Variants in EEPD1 observed in about 807,000 individuals in gnomAD.
EEPD1 encodes the protein endonuclease/exonuclease/phosphatase family domain-containing protein 1.
EEPD1 carries 17 observed loss-of-function variants against 46.3 expected under a neutral mutation model. The ratio of observed to expected loss-of-function variants is 0.37; its 90% CI spans 0.25 to 0.55. EEPD1 has a LOEUF of 0.55. EEPD1 is among the 20% of genes least tolerant of loss of function. The probability of loss-of-function intolerance (pLI) is 0.83; values close to 1 mark genes in which losing one functional copy is unlikely to be tolerated. For synonymous variants in EEPD1, 313 were observed against 315.6 expected, an observed-to-expected ratio of 0.99 and a Z score of 0.09; for missense variants, 673 against 745.6, an observed-to-expected ratio of 0.90 and a Z score of 1.13.
At chr7:36,278,124 T>A (rs1472330532) in intron 3 of EEPD1, among the ~76,000 whole-genome samples, 2 of 152,234 alleles carry the variant, frequency 1.3e-5, no homozygotes, top group East Asian at 3.9e-4. Context: ...AGCCTGAGAA[T>A]TTGCATTTTG....
intron 2 of EEPD1, among the ~76,000 whole-genome samples, chr7:36,180,636 A>G (rs371752965): frequency 6.6e-6 from 1 of 152,218 alleles, no homozygotes; most frequent in Non-Finnish European, 1.5e-5. Context: ...TAGGTGACTG[A>G]GTATTTTAGG....
chr7:36,299,437 G>A lies in EEPD1; in HGVS notation c.*231G>A. On this transcript the variant is annotated 3_prime_UTR_variant, in exon 8 of 8. Coordinates refer to ENST00000242108, the MANE Select transcript of EEPD1 (RefSeq NM_030636.3). ...GCAAAGCAGAAACCTGCGGGGAGCG[G>A]AGACGCCTTTTATCTCTGGATGCCA... 1 of 585,856 alleles carries A rather than the reference G, an allele frequency of 1.7e-6. No homozygotes were observed. The highest frequency in any genetic ancestry group is 3.0e-5 in the Admixed American group (1 of 32,922). 36.3% of individuals were successfully genotyped at this position (585,856 alleles called of 1,614,324 possible). A position where few individuals can be genotyped will look rare whatever the true frequency, so the allele number is the denominator to read the frequency against.
chr7:36,262,138 C>T (rs1309746532), intron 3 of EEPD1, among the ~76,000 whole-genome samples: 1 of 152,216 alleles, frequency 6.6e-6, no homozygotes, highest in Non-Finnish European at 1.5e-5. Context: ...GCCCTAAGGC[C>T]TGCCCTACCT....
intron 3 of EEPD1, among the ~76,000 whole-genome samples, chr7:36,272,975 G>A (rs1787133814): frequency 6.6e-6 from 1 of 152,212 alleles, no homozygotes; most frequent in Non-Finnish European, 1.5e-5. Flanking sequence ...GGCCCCTCCT[G>A]GGAGGAAAGT....
At chr7:36,219,599 G>A (rs1214485902) in intron 2 of EEPD1, among the ~76,000 whole-genome samples, 1 of 148,542 alleles carries the variant, frequency 6.7e-6, no homozygotes, top group Non-Finnish European at 1.5e-5. Flanking sequence ...GAAGAAGAAG[G>A]AGGAAGAGGA....
At chr7:36,202,614 T>G (rs1434015556) in intron 2 of EEPD1, among the ~76,000 whole-genome samples, 1 of 152,184 alleles carries the variant, frequency 6.6e-6, no homozygotes, top group Non-Finnish European at 1.5e-5. Context: ...ATTCTCAGCT[T>G]GATTCAGGTA....
intron 2 of EEPD1, among the ~76,000 whole-genome samples, chr7:36,164,064 C>T (rs1784943622): frequency 6.6e-6 from 1 of 152,102 alleles, no homozygotes; most frequent in Non-Finnish European, 1.5e-5. Context: ...TGTCTACGAA[C>T]ATATGTATTT....
At chr7:36,293,825 G>A (rs1259711251) in intron 6 of EEPD1, among the ~76,000 whole-genome samples, 3 of 152,028 alleles carry the variant, frequency 2.0e-5, no homozygotes, top group African/African-American at 4.8e-5. Context: ...TTAGCCAGGC[G>A]CAGTGGCACA....
chr7:36,199,639 T>G (rs1271323366), intron 2 of EEPD1, among the ~76,000 whole-genome samples: 1 of 152,166 alleles, frequency 6.6e-6, no homozygotes, highest in Non-Finnish European at 1.5e-5. Flanking sequence ...TTCCCTCTTC[T>G]GACTGAGTGA....
intron 2 of EEPD1, among the ~76,000 whole-genome samples, chr7:36,229,957 GTACAGCCAGTTAC>G (rs568938517): frequency 0.38 from 56,898 of 151,312 alleles, 11,680 homozygotes; most frequent in Non-Finnish European, 0.46. Flanking sequence ...ACTTGCTGAG[GTACAGCCAGTTAC>G]CTCCTCAAAC....
intron 3 of EEPD1, 31 bp from the exon 4 acceptor site, chr7:36,281,084 C>A: frequency 2.5e-6 from 4 of 1,604,932 alleles, no homozygotes; most frequent in Non-Finnish European, 3.4e-6. Context: ...GGCGCGAACC[C>A]ACGCTTCTGA....
Position 36,299,468 on chromosome 7 carries a change from C to A in EEPD1, c.*262C>A. The A allele has an allele frequency of 1.9e-6, 1 of 529,356 alleles. No homozygotes were observed. 32.8% of individuals were successfully genotyped at this position (529,356 alleles called of 1,614,324 possible). A position where few individuals can be genotyped will look rare whatever the true frequency, so the allele number is the denominator to read the frequency against. On this transcript the variant is annotated 3_prime_UTR_variant, in exon 8 of 8. Transcript: ENST00000242108. ...CCTTTTATCTCTGGATGCCACAGAC[C>A]TGAGCAGCATTGGGCTGGCTGTCCG... is the stretch of plus-strand genomic sequence containing the variant.
At chr7:36,291,384 G>C (rs1249875374) in intron 6 of EEPD1, among the ~76,000 whole-genome samples, 2 of 152,128 alleles carry the variant, frequency 1.3e-5, no homozygotes, top group Non-Finnish European at 2.9e-5. Flanking sequence ...TGGATTTGAG[G>C]CCTGGCCTGG....
At chr7:36,259,472 AC>A (rs1263812543) in intron 3 of EEPD1, among the ~76,000 whole-genome samples, 1 of 152,088 alleles carries the variant, frequency 6.6e-6, no homozygotes, top group African/African-American at 2.4e-5. Context: ...TACATGTTAC[AC>A]CTTGAACTAT....
chr7:36,210,258 T>C (rs1785903770), intron 2 of EEPD1, among the ~76,000 whole-genome samples: 1 of 152,158 alleles, frequency 6.6e-6, no homozygotes, highest in Admixed American at 6.5e-5. Flanking sequence ...TTTTGAGTGA[T>C]TTGAATAAAA....
intron 3 of EEPD1, among the ~76,000 whole-genome samples, chr7:36,275,694 T>A (rs1445347433): frequency 6.6e-6 from 1 of 152,334 alleles, no homozygotes; most frequent in African/African-American, 2.4e-5. Context: ...ACTCCTGACC[T>A]CGTGATCCAC....
chr7:36,285,995 G>A (rs180894876), intron 5 of EEPD1, among the ~76,000 whole-genome samples: 256 of 152,230 alleles, frequency 1.7e-3, no homozygotes, highest in African/African-American at 2.2e-3. Flanking sequence ...TGGTACTGAC[G>A]TGTAAGTCAG....
At chr7:36,228,231 A>T (rs1786260931) in intron 2 of EEPD1, among the ~76,000 whole-genome samples, 1 of 152,050 alleles carries the variant, frequency 6.6e-6, no homozygotes, top group Non-Finnish European at 1.5e-5. Flanking sequence ...ACTCCACCCC[A>T]CATAAAACAA....
At position 36,269,547 on chromosome 7, in the gene EEPD1, G is replaced by A. The variant is rs565530183; in HGVS notation, c.931-11568G>A. ...ATGTTTTGAGGGGTTAATGTCTTTG[G>A]TCATTCATACTCCAGGCCCCTGTGC... On this transcript the variant is annotated intron_variant, in intron 3 of 7. Coordinates refer to ENST00000242108, the MANE Select transcript of EEPD1 (RefSeq NM_030636.3). Among the ~76,000 whole-genome samples, 7 of 151,994 alleles carry A rather than the reference G, an allele frequency of 4.6e-5. No individual in the cohort carries two copies. The South Asian group carries it at 8.3e-4, about 18-fold the overall frequency.
Sources: gnomAD v4.1 joint callset for allele counts (sites outside exome capture counted in the v4.1 genomes callset) on GRCh38, gnomAD v4.1.1 for gene constraint, MANE v1.5 for transcripts, NCBI Gene and HGNC (gene_info 2026-07-23, HGNC 2026-07-21) for gene names.